Variants in AFG2A observed in about 807,000 individuals in gnomAD.
AFG2A encodes the protein ATPase family gene 2 protein homolog A.
At chr4:122,942,482 C>T in the AFG2A span, among the ~76,000 whole-genome samples, 1 of 151,516 alleles carries the variant, frequency 6.6e-6, no homozygotes, top group African/African-American at 2.4e-5. Context: ...TGCTGATATC[C>T]CCTTTATCAT....
the AFG2A span, among the ~76,000 whole-genome samples, chr4:123,011,161 A>C: frequency 1.3e-5 from 2 of 152,164 alleles, no homozygotes; most frequent in South Asian, 4.1e-4. Context: ...TTTCTAGTCT[A>C]TACCTCAGGA....
the AFG2A span, among the ~76,000 whole-genome samples, chr4:123,011,345 A>T: frequency 2.7e-4 from 41 of 152,380 alleles, no homozygotes; most frequent in South Asian, 8.5e-3. Context: ...ATTATCAGCT[A>T]ACCATCAAAG....
At chr4:123,157,347 A>C in the AFG2A span, among the ~76,000 whole-genome samples, 1 of 151,958 alleles carries the variant, frequency 6.6e-6, no homozygotes, top group South Asian at 2.1e-4. Context: ...ATTCATCATA[A>C]CCATACACAT....
chr4:123,043,423 C>T, the AFG2A span, among the ~76,000 whole-genome samples: 124 of 151,640 alleles, frequency 8.2e-4, 1 homozygote, highest in African/African-American at 2.9e-3. Flanking sequence ...CATCTTCTTC[C>T]ACTTTTTTTT....
At chr4:123,243,223 T>G in the AFG2A span, among the ~76,000 whole-genome samples, 1 of 152,150 alleles carries the variant, frequency 6.6e-6, no homozygotes, top group Admixed American at 6.5e-5. Context: ...GAAATACCAT[T>G]TGACCCAGCC....
chr4:122,981,671 A>G, the AFG2A span, among the ~76,000 whole-genome samples: 2 of 151,916 alleles, frequency 1.3e-5, no homozygotes, highest in East Asian at 1.9e-4. Flanking sequence ...ACATTATTCT[A>G]TGTATTTGTG....
chr4:123,240,432 C>G, the AFG2A span, among the ~76,000 whole-genome samples: 1 of 152,194 alleles, frequency 6.6e-6, no homozygotes, highest in African/African-American at 2.4e-5. Context: ...AACTGTCTCT[C>G]TGACCACAGT....
chr4:123,185,665 A>G, the AFG2A span, among the ~76,000 whole-genome samples: 1 of 152,174 alleles, frequency 6.6e-6, no homozygotes, highest in Non-Finnish European at 1.5e-5. Flanking sequence ...GGTAGGCATG[A>G]TAGATATGTT....
the AFG2A span, among the ~76,000 whole-genome samples, chr4:123,202,139 TTTA>T: frequency 6.6e-6 from 1 of 152,166 alleles, no homozygotes; most frequent in South Asian, 2.1e-4. Context: ...GTCTTAGTGG[TTTA>T]TGCTGGGGTT....
chr4:123,063,541 T>C, the AFG2A span, among the ~76,000 whole-genome samples: 1 of 152,006 alleles, frequency 6.6e-6, no homozygotes, highest in Non-Finnish European at 1.5e-5. Context: ...GGTCAGGAGA[T>C]CAAGATCATC....
chr4:122,987,309 T>A, the AFG2A span, among the ~76,000 whole-genome samples: 1 of 152,174 alleles, frequency 6.6e-6, no homozygotes, highest in African/African-American at 2.4e-5. Context: ...TAGAATACTT[T>A]AAATTAAAAT....
the AFG2A span, among the ~76,000 whole-genome samples, chr4:122,962,265 C>G: frequency 6.6e-6 from 1 of 152,144 alleles, no homozygotes; most frequent in Non-Finnish European, 1.5e-5. Flanking sequence ...GACCCCTGCT[C>G]TAATTAATGC....
the AFG2A span, among the ~76,000 whole-genome samples, chr4:123,311,342 A>C: frequency 5.3e-5 from 8 of 152,162 alleles, no homozygotes; most frequent in African/African-American, 1.9e-4. Flanking sequence ...AATCTATAGC[A>C]GCAGGCTGGG....
At chr4:122,972,063 A>T in the AFG2A span, among the ~76,000 whole-genome samples, 1 of 152,126 alleles carries the variant, frequency 6.6e-6, no homozygotes, top group Non-Finnish European at 1.5e-5. Context: ...TCTCTGGAAC[A>T]ATTTTTTAAA....
At chr4:123,050,426 C>A in the AFG2A span, among the ~76,000 whole-genome samples, 12 of 152,138 alleles carry the variant, frequency 7.9e-5, no homozygotes, top group Admixed American at 7.2e-4. Flanking sequence ...TTATTGCAGT[C>A]ATTGCAGTCT....
the AFG2A span, among the ~76,000 whole-genome samples, chr4:123,282,357 T>C: frequency 6.6e-6 from 1 of 152,180 alleles, no homozygotes; most frequent in Non-Finnish European, 1.5e-5. Context: ...TTCACGTGGA[T>C]AGTTAGGACA....
the AFG2A span, among the ~76,000 whole-genome samples, chr4:122,923,650 C>T: frequency 1.3e-5 from 2 of 152,094 alleles, no homozygotes; most frequent in Non-Finnish European, 2.9e-5. Context: ...GATACTTATC[C>T]TAAAAAACTA....
chr4:123,203,895 A>G, the AFG2A span, among the ~76,000 whole-genome samples: 4 of 152,244 alleles, frequency 2.6e-5, no homozygotes, highest in Admixed American at 2.6e-4. Context: ...TCATCGGGCT[A>G]AAATCAAAGT....
At chr4:123,101,980 T>G in the AFG2A span, among the ~76,000 whole-genome samples, 1 of 151,982 alleles carries the variant, frequency 6.6e-6, no homozygotes, top group Admixed American at 6.6e-5. Context: ...TTGAAATAAT[T>G]TATCCTCACT....
Sources: allele counts gnomAD v4.1 joint callset (sites outside exome capture counted in the v4.1 genomes callset), GRCh38; gene constraint gnomAD v4.1.1; transcripts MANE v1.5; gene names NCBI Gene and HGNC (gene_info 2026-07-23, HGNC 2026-07-21).